NF1: variants seen among roughly 807,000 people sequenced by gnomAD.
NF1 encodes neurofibromin.
In NF1, 122 loss-of-function variants were observed where a neutral mutation model predicts 325.7. The observed-to-expected ratio is 0.37, with a 90% CI of 0.32 to 0.44. The LOEUF (loss-of-function observed/expected upper bound fraction) is 0.44. Ranked by LOEUF, NF1 falls within the 20% of genes least tolerant of loss-of-function variation. The pLI is 1.00. For missense variants in NF1, 2,140 were observed against 3,415.4 expected, an observed-to-expected ratio of 0.63 and a Z score of 9.31; for synonymous variants, 1,091 against 1,186.0, an observed-to-expected ratio of 0.92 and a Z score of 1.65.
chr17:31,226,619 A>G lies in NF1; in HGVS notation c.2186A>G (p.His729Arg), dbSNP rs2151426011. The part of the protein sequence containing the change: ...IRCGVDEVSV[H>R]NLLPNYNTFM... ...TGTGGGGTGGATGAAGTGTCAGTGCATAACCTCTTGCCCAACTATAACACA... is the reference window on the plus strand; with the variant it reads ...TGTGGGGTGGATGAAGTGTCAGTGCGTAACCTCTTGCCCAACTATAACACA... The change falls in exon 18 of 58, where the codon CAT becomes CGT. Residue 729 changes from histidine to arginine, a missense_variant. His to Arg is a conservative substitution (Grantham distance 29, BLOSUM62 0). Around this residue, in one of 10 missense-constraint regions of NF1, gnomAD observed 380 missense variants for 639.3 expected, o/e 0.59. Coordinates refer to ENST00000358273, the MANE Select transcript of NF1 (RefSeq NM_001042492.3). 1 of 1,613,886 alleles carries G rather than the reference A, an allele frequency of 6.2e-7. No individual in the cohort carries two copies. Among genetic ancestry groups the G allele is most frequent in the South Asian group, 1.1e-5 (1 of 91,072 alleles).
In NF1 at chr17:31,206,340, G is replaced by A. The variant is rs983914251; in HGVS notation, c.1361G>A (p.Cys454Tyr). Reference sequence around the variant, plus strand: ...ACACTTCATAAAGCAGTGCAAGGTTGTGGAGCACACCCAGCAATACGAATG... The same window carrying A: ...ACACTTCATAAAGCAGTGCAAGGTTATGGAGCACACCCAGCAATACGAATG... ...GETLHKAVQG[C>Y]GAHPAIRMAP... Residue 454 changes from cysteine (C) to tyrosine (Y), a missense_variant, in exon 12 of 58, where the codon TGT (cysteine) becomes TAT (tyrosine). This residue lies in a region of NF1 where 179 missense variants were observed against 381.0 expected (regional missense o/e 0.47). Coordinates refer to ENST00000358273, the MANE Select transcript of NF1 (RefSeq NM_001042492.3). 3 of 1,613,788 alleles carry A rather than the reference G, an allele frequency of 1.9e-6. No individual in the cohort carries two copies. The highest frequency in any genetic ancestry group is 2.5e-6 in the Non-Finnish European group (3 of 1,179,758).
intron 1 of NF1, among the ~76,000 whole-genome samples, chr17:31,103,004 C>G (rs1044390405): frequency 6.6e-6 from 1 of 151,824 alleles, no homozygotes; most frequent in Non-Finnish European, 1.5e-5. Flanking sequence ...TACTACCACA[C>G]CTGGCTAATT....
chr17:31,294,840 A>G, intron 36 of NF1: 1 of 800,250 alleles, frequency 1.2e-6, no homozygotes, highest in East Asian at 2.7e-5. Context: ...GACATTGTGC[A>G]TTTCTTTTAT....
intron 40 of NF1, among the ~76,000 whole-genome samples, chr17:31,335,501 T>C (rs1457351253): frequency 5.3e-5 from 8 of 151,020 alleles, no homozygotes; most frequent in African/African-American, 1.9e-4. Flanking sequence ...TAAAATAGGA[T>C]ATAATGTAAA....
chr17:31,282,918 C>T (rs2068149427), intron 36 of NF1, among the ~76,000 whole-genome samples: 1 of 152,194 alleles, frequency 6.6e-6, no homozygotes, highest in South Asian at 2.1e-4. Context: ...CATCTTCACC[C>T]AACACTTGAT....
chr17:31,227,675 C>A, intron 20 of NF1, 69 bp downstream of exon 20: 7 of 1,368,846 alleles, frequency 5.1e-6, no homozygotes, highest in South Asian at 4.7e-5. Context: ...CTTTGATAAT[C>A]TTTCAAGAGT....
intron 1 of NF1, among the ~76,000 whole-genome samples, chr17:31,120,803 A>G (rs1189883977): frequency 6.6e-6 from 1 of 151,884 alleles, no homozygotes; most frequent in East Asian, 1.9e-4. Context: ...AAAAAAAATC[A>G]GCATCTGGAC....
rs864622406 is a variant in NF1 at position 31,258,376 on chromosome 17, C to T, written c.4206C>T (p.Ile1402=). Residue 1402 remains isoleucine, a synonymous_variant, in exon 32 of 58, where the codon ATC becomes ATT. Transcript: ENST00000358273. The part of the protein sequence containing the change: ...VVSQRFPQNS[I]GAVGSAMFLR... ...GCCAGCGTTTCCCTCAGAACAGCAT[C>T]GGTGCAGTAGGAAGTGCCATGTTCC... 23 of 1,613,854 alleles carry T rather than the reference C, an allele frequency of 1.4e-5. No individual in the cohort carries two copies. The highest frequency in any genetic ancestry group is 1.7e-5 in the Admixed American group (1 of 59,996).
rs1597708810 is a variant in NF1 at position 31,223,548 on chromosome 17, A to G, written c.1826A>G (p.Lys609Arg). ...CGGGAAATATTGATCTGCAGGAATAAATTTCTTCTTAAAAATAAGGTAAGC... is the reference window on the plus strand; with the variant it reads ...CGGGAAATATTGATCTGCAGGAATAGATTTCTTCTTAAAAATAAGGTAAGC... Reference protein sequence around the residue: ...WLREILICRNKFLLKNKQADR... With the variant: ...WLREILICRNRFLLKNKQADR... The change falls in exon 16 of 58, where the codon AAA (lysine) becomes AGA (arginine). Residue 609 changes from lysine to arginine, a missense_variant. Lys to Arg is a conservative substitution (Grantham distance 26, BLOSUM62 2). This residue lies in a region of NF1 where 179 missense variants were observed against 381.0 expected (regional missense o/e 0.47). Coordinates refer to ENST00000358273, the MANE Select transcript of NF1 (RefSeq NM_001042492.3). 6.2e-7 allele frequency: 1 copy of G among 1,612,312 alleles called. No homozygotes were observed. The highest frequency in any genetic ancestry group is 1.1e-5 in the South Asian group (1 of 91,052).
intron 57 of NF1, among the ~76,000 whole-genome samples, chr17:31,363,436 C>CT (rs5819928): frequency 0.041 from 4,565 of 112,440 alleles, 297 homozygotes; most frequent in African/African-American, 0.11. Flanking sequence ...TTATCTCTCT[C>CT]TTTTTTTTTT....
intron 20 of NF1, 119 bp from the exon 21 acceptor site, chr17:31,228,906 A>T: frequency 1.4e-6 from 1 of 737,596 alleles, no homozygotes; most frequent in Non-Finnish European, 2.2e-6. Flanking sequence ...GTTGATTTTA[A>T]TGTATATTTT....
At chr17:31,217,153 T>G (rs1373939775) in intron 13 of NF1, among the ~76,000 whole-genome samples, 1 of 152,136 alleles carries the variant, frequency 6.6e-6, no homozygotes, top group East Asian at 1.9e-4. Flanking sequence ...TAAAAATGAT[T>G]TGGTTTTGGA....
intron 1 of NF1, among the ~76,000 whole-genome samples, chr17:31,154,740 T>A (rs1258224031): frequency 6.8e-6 from 1 of 146,694 alleles, no homozygotes; most frequent in Non-Finnish European, 1.5e-5. Context: ...TCCTTTTTTT[T>A]TTTTTTTTTT....
In NF1 at chr17:31,250,814, G is replaced by A. The variant is rs1375447230; in HGVS notation, c.4110+1695G>A. ...CACTATATGTGGTGATTATTAAACA[G>A]TATGTTATGCTTTTTAGAGCACTTC... On this transcript the variant is annotated intron_variant, in intron 30 of 57. Transcript: ENST00000358273. 1.6e-5 allele frequency: 3 copies of A among 187,812 alleles called. No individual in the cohort carries two copies. In the East Asian group the frequency reaches 2.6e-4, roughly 16 times the overall value. The allele number at this position is 187,812 out of a possible 1,614,324, so 11.6% of individuals were successfully genotyped here.
chr17:31,191,998 C>A (rs2905869), intron 8 of NF1, among the ~76,000 whole-genome samples: 86,066 of 151,980 alleles, frequency 0.57, 26,757 homozygotes, highest in Middle Eastern at 0.77. Flanking sequence ...TTTGTATATT[C>A]AGAGCAGTAA....
rs535609733 is a variant in NF1 at position 31,230,448 on chromosome 17, A to G, written c.3113+66A>G. Reference sequence around the variant, plus strand: ...AATATGTCCAATGAAGTACAGAAAAAGAGTAGATATGCGGTTATTGGTAGA... The same window carrying G: ...AATATGTCCAATGAAGTACAGAAAAGGAGTAGATATGCGGTTATTGGTAGA... On this transcript the variant is annotated intron_variant, in intron 23 of 57. Transcript: ENST00000358273. The G allele has an allele frequency of 1.8e-3, 2,773 of 1,582,906 alleles. 43 individuals carry two copies. In the South Asian group the frequency reaches 0.019, roughly 11 times the overall value.
At chr17:31,266,433 C>T (rs182279648) in intron 36 of NF1, among the ~76,000 whole-genome samples, 1 of 152,260 alleles carries the variant, frequency 6.6e-6, no homozygotes, top group African/African-American at 2.4e-5. Context: ...TCCCGCCACC[C>T]CCCTGCCCTT....
intron 57 of NF1, 142 bp from the exon 58 acceptor site, chr17:31,373,871 C>T: frequency 9.9e-7 from 1 of 1,009,994 alleles, no homozygotes; most frequent in East Asian, 2.6e-5. Context: ...CATGTAAGTA[C>T]ACTCCACAAT....
intron 1 of NF1, among the ~76,000 whole-genome samples, chr17:31,142,866 CA>C (rs34391793): frequency 0.58 from 80,048 of 138,142 alleles, 24,313 homozygotes; most frequent in Middle Eastern, 0.77. Flanking sequence ...GACTCTGTCT[CA>C]AAAAAAAAAA....
Sources: gnomAD v4.1 joint callset for allele counts (sites outside exome capture counted in the v4.1 genomes callset) on GRCh38, gnomAD v4.1.1 for gene constraint, gnomAD v4.1.1 regional missense constraint, MANE v1.5 for transcripts, NCBI Gene and HGNC (gene_info 2026-07-23, HGNC 2026-07-21) for gene names.